Variants in PIK3CB observed in about 807,000 individuals in gnomAD.
The protein encoded by PIK3CB is phosphatidylinositol 4,5-bisphosphate 3-kinase catalytic subunit beta isoform.
In PIK3CB, 39 loss-of-function variants were observed where a neutral mutation model predicts 136.8. That is an observed-to-expected ratio of 0.29 (90% CI 0.22 to 0.37). PIK3CB has a LOEUF of 0.37. Among genes scored for constraint, PIK3CB ranks in the 10% least tolerant of loss-of-function variants. The probability of loss-of-function intolerance (pLI) is 1.00; values close to 1 mark genes in which losing one functional copy is unlikely to be tolerated. For synonymous variants in PIK3CB, 428 were observed against 436.6 expected (o/e 0.98, Z 0.25); for missense variants, 868 against 1,275.4 (o/e 0.68, Z 4.87).
chr3:138,733,746 C>T lies in PIK3CB; in HGVS notation c.973-308G>A, dbSNP rs187501504. ...ACAAAAAATTAGCTGGGCATGGTGG[C>T]GGGCGCCTGTAGTCCCAGTTACTTG... is the stretch of plus-strand genomic sequence containing the variant. On this transcript the variant is annotated intron_variant, in intron 7 of 23. Coordinates refer to ENST00000674063, the MANE Select transcript of PIK3CB (RefSeq NM_006219.3). 1.4e-4 allele frequency among the ~76,000 whole-genome samples: 22 copies of T among 152,110 alleles called. No individual in the cohort carries two copies. The East Asian group carries it at 3.3e-3, about 23-fold the overall frequency.
intron 1 of PIK3CB, chr3:138,826,464 C>A: frequency 1.7e-6 from 1 of 579,696 alleles, no homozygotes; most frequent in East Asian, 3.1e-5. Context: ...GTAAACCCCT[C>A]AGAAGAAAAG....
intron 2 of PIK3CB, among the ~76,000 whole-genome samples, chr3:138,774,653 C>T (rs1054230067): frequency 6.6e-6 from 1 of 152,140 alleles, no homozygotes; most frequent in East Asian, 1.9e-4. Context: ...GAGAGTGAGT[C>T]ATGAGCCAAA....
chr3:138,777,691 C>G (rs1260919893), intron 2 of PIK3CB: 1 of 153,650 alleles, frequency 6.5e-6, no homozygotes, highest in Non-Finnish European at 1.4e-5. Flanking sequence ...TGCAGCATGA[C>G]CTATTAGAAT....
chr3:138,806,145 CA>C (rs1329378162), intron 1 of PIK3CB, among the ~76,000 whole-genome samples: 1 of 152,132 alleles, frequency 6.6e-6, no homozygotes, highest in Non-Finnish European at 1.5e-5. Context: ...TATAATTATA[CA>C]CATATCAGTG....
At chr3:138,794,333 A>T (rs2046085690) in intron 2 of PIK3CB, among the ~76,000 whole-genome samples, 1 of 152,160 alleles carries the variant, frequency 6.6e-6, no homozygotes, top group Non-Finnish European at 1.5e-5. Flanking sequence ...TTTATTGAAG[A>T]TGAATTACAG....
chr3:138,662,796 T>C lies in PIK3CB; in HGVS notation c.2796+1110A>G, dbSNP rs865892164. ...CTGTTGTTTCCTGACTTTTTAATGA[T>C]TGCCATTCTAACTGGTGTGAGATGG... On this transcript the variant is annotated intron_variant, in intron 21 of 23. Transcript: ENST00000674063. Among the ~76,000 whole-genome samples, 41 of 152,314 alleles carry C rather than the reference T, an allele frequency of 2.7e-4. 1 individual carries two copies. The East Asian group carries it at 6.9e-3, about 26-fold the overall frequency.
intron 19 of PIK3CB, among the ~76,000 whole-genome samples, chr3:138,673,091 G>A (rs1253114466): frequency 2.0e-5 from 3 of 152,074 alleles, no homozygotes; most frequent in South Asian, 2.1e-4. Flanking sequence ...TGGTCTCAAC[G>A]CCAGAGCACA....
At chr3:138,793,440 T>C (rs1471220704) in intron 2 of PIK3CB, among the ~76,000 whole-genome samples, 2 of 151,854 alleles carry the variant, frequency 1.3e-5, no homozygotes, top group Non-Finnish European at 2.9e-5. Flanking sequence ...ACCCCGTCTC[T>C]AATAAAAATA....
chr3:138,779,870 G>A (rs1346769830), intron 2 of PIK3CB, among the ~76,000 whole-genome samples: 1 of 152,026 alleles, frequency 6.6e-6, no homozygotes, highest in African/African-American at 2.4e-5. Context: ...CTAATATACA[G>A]ATAACTTTAG....
chr3:138,780,853 G>T (rs2108787958), intron 2 of PIK3CB, among the ~76,000 whole-genome samples: 1 of 151,882 alleles, frequency 6.6e-6, no homozygotes, highest in South Asian at 2.1e-4. Flanking sequence ...GGGTTTTTTT[G>T]TTTTGTTTTT....
At chr3:138,719,567 G>C (rs897444844) in intron 8 of PIK3CB, among the ~76,000 whole-genome samples, 45 of 152,050 alleles carry the variant, frequency 3.0e-4, no homozygotes, top group African/African-American at 1.1e-3. Flanking sequence ...TAGAACACTA[G>C]AAAGAATAGG....
chr3:138,777,744 A>G (rs2045876283), intron 2 of PIK3CB: 1 of 150,966 alleles, frequency 6.6e-6, no homozygotes, highest in African/African-American at 2.5e-5. Flanking sequence ...TTTTTTTCTT[A>G]AAAAAAAAAT....
chr3:138,782,450 T>C (rs77031473), intron 2 of PIK3CB, among the ~76,000 whole-genome samples: 4,764 of 152,348 alleles, frequency 0.031, 254 homozygotes, highest in African/African-American at 0.11. Context: ...CTCCTGAGTA[T>C]AGATCCCTTT....
chr3:138,727,270 A>T (rs1167911282), intron 8 of PIK3CB, among the ~76,000 whole-genome samples: 1 of 152,224 alleles, frequency 6.6e-6, no homozygotes, highest in Non-Finnish European at 1.5e-5. Context: ...ACGATGGATT[A>T]GACGCCTGTG....
At chr3:138,710,827 G>T (rs1303919260) in intron 10 of PIK3CB, among the ~76,000 whole-genome samples, 1 of 152,194 alleles carries the variant, frequency 6.6e-6, no homozygotes, top group African/African-American at 2.4e-5. Context: ...GCTCACGCCT[G>T]TAATCCCAGC....
At chr3:138,693,888 T>A (rs1007871383) in intron 14 of PIK3CB, among the ~76,000 whole-genome samples, 7 of 138,930 alleles carry the variant, frequency 5.0e-5, no homozygotes, top group Non-Finnish European at 1.1e-4. Context: ...CAAGACTGGA[T>A]AAGGAAACTA....
chr3:138,833,248 G>A (rs1324389713), intron 1 of PIK3CB, among the ~76,000 whole-genome samples: 1 of 151,632 alleles, frequency 6.6e-6, no homozygotes, highest in African/African-American at 2.4e-5. Context: ...TGTGTTTTTG[G>A]TAGAGACGGG....
chr3:138,822,755 C>T (rs1309328299), intron 1 of PIK3CB, among the ~76,000 whole-genome samples: 2 of 150,694 alleles, frequency 1.3e-5, no homozygotes, highest in Non-Finnish European at 3.0e-5. Context: ...GCAGGAGAAT[C>T]GGCTTGAACT....
At chr3:138,735,511 G>C (rs1399199027) in intron 6 of PIK3CB, among the ~76,000 whole-genome samples, 1 of 152,096 alleles carries the variant, frequency 6.6e-6, no homozygotes, top group Non-Finnish European at 1.5e-5. Flanking sequence ...TGAATACGTG[G>C]TTCGCATGTG....
Sources: gnomAD v4.1 joint callset for allele counts (sites outside exome capture counted in the v4.1 genomes callset) on GRCh38, gnomAD v4.1.1 for gene constraint, MANE v1.5 for transcripts, NCBI Gene and HGNC (gene_info 2026-07-23, HGNC 2026-07-21) for gene names.